The following DYNC2I1 variants were observed in gnomAD, a reference collection of about 807,000 sequenced individuals.
DYNC2I1 encodes dynein 2 intermediate chain 1, also known as cytoplasmic dynein 2 intermediate chain 1.
DYNC2I1 carries 89 observed loss-of-function variants against 133.4 expected under a neutral mutation model. That is an observed-to-expected ratio of 0.67 (90% CI 0.56 to 0.80). The LOEUF (loss-of-function observed/expected upper bound fraction) is 0.80. DYNC2I1 is among the 30% of genes least tolerant of loss of function. The probability of loss-of-function intolerance (pLI) is 0.00; values close to 1 mark genes in which losing one functional copy is unlikely to be tolerated. For missense variants in DYNC2I1, 1,291 were observed against 1,314.5 expected (o/e 0.98, Z 0.28); for synonymous variants, 504 against 484.3 (o/e 1.04, Z -0.54).
At chr7:158,889,080 CTTTTTTTT>C (rs369814666) in intron 7 of DYNC2I1, among the ~76,000 whole-genome samples, 8 of 126,084 alleles carry the variant, frequency 6.3e-5, no homozygotes, top group African/African-American at 1.7e-4. Context: ...TCCTGTTTTT[CTTTTTTTT>C]TTTTTTTTTT....
At chr7:158,955,591 G>A (rs1852178120) in intron 4 of DYNC2I1, among the ~76,000 whole-genome samples, 1 of 152,194 alleles carries the variant, frequency 6.6e-6, no homozygotes, top group South Asian at 2.1e-4. Flanking sequence ...CTGCCTTGTG[G>A]GTAGGCGGAG....
intron 20 of DYNC2I1, among the ~76,000 whole-genome samples, chr7:158,930,032 CTG>C (rs887101963): frequency 6.6e-6 from 1 of 152,174 alleles, no homozygotes; most frequent in African/African-American, 2.4e-5. Context: ...TTCTGAGTCT[CTG>C]GGATGGTGGA....
the DYNC2I1 span, among the ~76,000 whole-genome samples, chr7:158,843,411 C>A: frequency 6.6e-6 from 1 of 152,178 alleles, no homozygotes; most frequent in African/African-American, 2.4e-5. Flanking sequence ...CAGACACCCA[C>A]CACAACGCCT....
rs114768524 is a variant in DYNC2I1, at chr7:158,943,863, C to G, written c.3002+1715C>G. Among the ~76,000 whole-genome samples the G allele has an allele frequency of 6.8e-3, 1,039 of 152,256 alleles. 10 individuals are homozygous for G. The highest frequency in any genetic ancestry group is 0.024 in the African/African-American group (982 of 41,556). ...AGCTCCCCTAACCCCTCAGCAGTGC[C>G]GGACGCCGGGTCAACCCTGTCCATC... On this transcript the variant is annotated intron_variant, in intron 24 of 24. Transcript: ENST00000407559.
At chr7:158,848,721 G>A in the DYNC2I1 span, among the ~76,000 whole-genome samples, 4 of 152,212 alleles carry the variant, frequency 2.6e-5, no homozygotes, top group East Asian at 1.9e-4. Context: ...TCAGGAGAGC[G>A]AGACCATTCT....
chr7:158,865,307 G>A (rs1171434159), intron 1 of DYNC2I1, among the ~76,000 whole-genome samples: 1 of 152,212 alleles, frequency 6.6e-6, no homozygotes, highest in Admixed American at 6.5e-5. Context: ...GGGAAGGGGA[G>A]TTAAATCAGT....
At chr7:158,844,915 C>T in the DYNC2I1 span, among the ~76,000 whole-genome samples, 3 of 152,246 alleles carry the variant, frequency 2.0e-5, no homozygotes, top group East Asian at 5.8e-4. Context: ...GCCACTGTGC[C>T]CAGTCTAATT....
downstream of DYNC2I1, among the ~76,000 whole-genome samples, chr7:158,949,687 A>G (rs1001853051): frequency 2.0e-5 from 3 of 152,140 alleles, no homozygotes; most frequent in African/African-American, 7.2e-5. Flanking sequence ...AGAGGAGAGC[A>G]TGGGAGGAGC....
rs1052957160 is a variant in DYNC2I1, at chr7:158,952,799, C to T, written c.*57-3784C>T. On this transcript the variant is annotated intron_variant and NMD_transcript_variant, in intron 4 of 4. Coordinates refer to the DYNC2I1 transcript ENST00000454771. ...CAGCCGCGTCGTAAGACAGAATCCG[C>T]ACCTTCATGTTGCACAGCGTGGGCT... Among the ~76,000 whole-genome samples the T allele has an allele frequency of 1.5e-4, 23 of 151,978 alleles. 1 individual carries two copies. The highest frequency in any genetic ancestry group is 1.1e-3 in the Admixed American group (17 of 15,260).
At chr7:158,928,894 C>G (rs1563190184) in intron 20 of DYNC2I1, among the ~76,000 whole-genome samples, 1 of 152,144 alleles carries the variant, frequency 6.6e-6, no homozygotes, top group Non-Finnish European at 1.5e-5. Context: ...GTTACATGAT[C>G]AAGGTATTTG....
chr7:158,873,846 T>G (rs921423277), intron 3 of DYNC2I1, among the ~76,000 whole-genome samples: 2 of 151,814 alleles, frequency 1.3e-5, no homozygotes, highest in East Asian at 3.9e-4. Context: ...AGCCTCCGCC[T>G]CCCTGGTTCA....
At chr7:158,909,042 A>C (rs1030573573) in intron 11 of DYNC2I1, among the ~76,000 whole-genome samples, 2 of 152,106 alleles carry the variant, frequency 1.3e-5, no homozygotes, top group Non-Finnish European at 2.9e-5. Flanking sequence ...AAAAATGATA[A>C]TACTTAGGCC....
chr7:158,948,444 G>A (rs532171549), downstream of DYNC2I1, among the ~76,000 whole-genome samples: 6 of 152,294 alleles, frequency 3.9e-5, no homozygotes, highest in African/African-American at 1.4e-4. Context: ...AAATTAAAAC[G>A]TTCGTTACCT....
intron 4 of DYNC2I1, among the ~76,000 whole-genome samples, chr7:158,954,275 T>C (rs1281979141): frequency 6.6e-6 from 1 of 152,206 alleles, no homozygotes; most frequent in Non-Finnish European, 1.5e-5. Flanking sequence ...TTATAAGCAG[T>C]GTGTGAACAG....
At chr7:158,859,662 C>T (rs1841699210) in intron 1 of DYNC2I1, among the ~76,000 whole-genome samples, 1 of 152,080 alleles carries the variant, frequency 6.6e-6, no homozygotes, top group African/African-American at 2.4e-5. Context: ...GTCATCACGC[C>T]CAGCTAATTT....
In DYNC2I1 at chr7:158,918,880, G is replaced by A; in HGVS notation, c.1921+11G>A. 1 of 1,607,632 alleles carries A rather than the reference G, an allele frequency of 6.2e-7. No individual in the cohort carries two copies. The highest frequency in any genetic ancestry group is 2.2e-5 in the East Asian group (1 of 44,764). Reference sequence around the variant, plus strand: ...TACCATTCCTTCAAAGTAAGAGGCTGTTCTCAAATATGATTTTAAATCCAG... The same window carrying A: ...TACCATTCCTTCAAAGTAAGAGGCTATTCTCAAATATGATTTTAAATCCAG... On this transcript the variant is annotated intron_variant, in intron 15 of 24. Transcript: ENST00000407559.
chr7:158,858,337 T>C (rs1315242890), intron 1 of DYNC2I1, among the ~76,000 whole-genome samples: 2 of 152,216 alleles, frequency 1.3e-5, no homozygotes, highest in Non-Finnish European at 2.9e-5. Context: ...CAGAACCAAA[T>C]AGTCAGATTG....
chr7:158,954,165 C>G (rs1047174979), intron 4 of DYNC2I1, among the ~76,000 whole-genome samples: 1 of 152,190 alleles, frequency 6.6e-6, no homozygotes, highest in African/African-American at 2.4e-5. Context: ...TTTGCTTCTC[C>G]TTTGCCTTTG....
chr7:158,881,281 C>T (rs193093381), intron 5 of DYNC2I1, among the ~76,000 whole-genome samples: 30 of 152,224 alleles, frequency 2.0e-4, no homozygotes, highest in Non-Finnish European at 3.7e-4. Flanking sequence ...TGCATCAGGG[C>T]GTTGGCCGTG....
Sources: gnomAD v4.1 joint callset for allele counts (sites outside exome capture counted in the v4.1 genomes callset) on GRCh38, gnomAD v4.1.1 for gene constraint, MANE v1.5 for transcripts, NCBI Gene and HGNC (gene_info 2026-07-23, HGNC 2026-07-21) for gene names.